The following NFIA variants were observed in gnomAD, a reference collection of about 807,000 sequenced individuals.
NFIA encodes nuclear factor I A.
Under a neutral mutation model 62.8 loss-of-function variants are expected in NFIA, and 8 were observed. The ratio of observed to expected loss-of-function variants is 0.13; its 90% CI spans 0.07 to 0.23. The LOEUF (loss-of-function observed/expected upper bound fraction) is 0.23. NFIA is among the 10% of genes least tolerant of loss of function. The pLI is 1.00. For missense variants in NFIA, 410 were observed against 642.1 expected (o/e 0.64, Z 3.91); for synonymous variants, 235 against 238.1 (o/e 0.99, Z 0.12).
intron 7 of NFIA, among the ~76,000 whole-genome samples, chr1:61,403,042 C>G (rs924253821): frequency 3.9e-5 from 6 of 152,158 alleles, no homozygotes; most frequent in Non-Finnish European, 8.8e-5. Flanking sequence ...ATGAGTCATT[C>G]TTGGTATTGG....
intron 10 of NFIA, among the ~76,000 whole-genome samples, chr1:61,441,979 C>A (rs1434569566): frequency 6.6e-6 from 1 of 151,678 alleles, no homozygotes; most frequent in Non-Finnish European, 1.5e-5. Context: ...TCTTGCATTG[C>A]AGTGACCTTT....
intron 1 of NFIA, among the ~76,000 whole-genome samples, chr1:61,087,614 A>G (rs996186662): frequency 8.5e-5 from 13 of 152,184 alleles, no homozygotes; most frequent in Non-Finnish European, 1.5e-4. Flanking sequence ...TCTACATGCA[A>G]TATTTTTAGG....
intron 2 of NFIA, among the ~76,000 whole-genome samples, chr1:61,274,367 A>G (rs1388567208): frequency 6.6e-6 from 1 of 152,234 alleles, no homozygotes; most frequent in Non-Finnish European, 1.5e-5. Flanking sequence ...AAATCCCTAG[A>G]TAGGGAAAAA....
intron 7 of NFIA, among the ~76,000 whole-genome samples, chr1:61,384,487 C>T (rs531979566): frequency 6.6e-6 from 1 of 152,188 alleles, no homozygotes; most frequent in South Asian, 2.1e-4. Context: ...AAGATCCCTT[C>T]TTTCATTTGT....
At chr1:61,236,604 A>C (rs1381099438) in intron 2 of NFIA, among the ~76,000 whole-genome samples, 2 of 152,118 alleles carry the variant, frequency 1.3e-5, no homozygotes, top group African/African-American at 4.8e-5. Flanking sequence ...ATATGTTTTT[A>C]ACAGGTACTA....
chr1:61,371,431 A>G (rs1199029739), intron 6 of NFIA, among the ~76,000 whole-genome samples: 5 of 152,214 alleles, frequency 3.3e-5, no homozygotes, highest in African/African-American at 1.2e-4. Context: ...GAGTTTGTCT[A>G]TCAGCATTGA....
At chr1:61,443,140 C>T (rs1667658718) in intron 10 of NFIA, among the ~76,000 whole-genome samples, 1 of 152,048 alleles carries the variant, frequency 6.6e-6, no homozygotes, top group African/African-American at 2.4e-5. Context: ...ATTGAACATG[C>T]AAGAAAAGTG....
intron 6 of NFIA, among the ~76,000 whole-genome samples, chr1:61,381,076 A>G (rs1664387365): frequency 6.6e-6 from 1 of 150,710 alleles, no homozygotes; most frequent in Non-Finnish European, 1.5e-5. Context: ...AGGATACTGG[A>G]TTTCATCAGT....
intron 2 of NFIA, among the ~76,000 whole-genome samples, chr1:61,144,086 A>G (rs1647742243): frequency 6.6e-6 from 1 of 152,228 alleles, no homozygotes; most frequent in Non-Finnish European, 1.5e-5. Flanking sequence ...ATTGTTCTAG[A>G]TACAGTGAAC....
At chr1:61,256,753 G>C (rs552614656) in intron 2 of NFIA, among the ~76,000 whole-genome samples, 1 of 152,230 alleles carries the variant, frequency 6.6e-6, no homozygotes, top group Admixed American at 6.5e-5. Context: ...GTTTACACAG[G>C]TCTGTAGTTA....
chr1:61,352,770 C>G (rs1662619104), intron 5 of NFIA, among the ~76,000 whole-genome samples: 1 of 151,266 alleles, frequency 6.6e-6, no homozygotes, highest in Non-Finnish European at 1.5e-5. Context: ...CACACACACA[C>G]ACACACACAC....
intron 2 of NFIA, among the ~76,000 whole-genome samples, chr1:61,167,033 C>T (rs1649619563): frequency 1.3e-5 from 2 of 152,026 alleles, no homozygotes; most frequent in South Asian, 2.1e-4. Context: ...CCCAGCTACT[C>T]GGGAGGCTGA....
At chr1:61,137,374 A>G (rs937102838) in intron 2 of NFIA, among the ~76,000 whole-genome samples, 1 of 152,208 alleles carries the variant, frequency 6.6e-6, no homozygotes, top group Admixed American at 6.5e-5. Flanking sequence ...TTTAGCATAG[A>G]AGAGTCAGGA....
chr1:61,123,727 T>C (rs1646925586), intron 2 of NFIA, among the ~76,000 whole-genome samples: 1 of 152,224 alleles, frequency 6.6e-6, no homozygotes, highest in South Asian at 2.1e-4. Flanking sequence ...ATGATATATT[T>C]CAGAACAGGA....
intron 2 of NFIA, among the ~76,000 whole-genome samples, chr1:61,231,532 C>A (rs1557651118): frequency 1.3e-5 from 2 of 150,906 alleles, no homozygotes; most frequent in East Asian, 1.9e-4. Context: ...CAGATCCATT[C>A]AAAAAATATC....
upstream of NFIA, among the ~76,000 whole-genome samples, chr1:61,080,356 G>C (rs1275146765): frequency 6.6e-6 from 1 of 150,476 alleles, no homozygotes; most frequent in Non-Finnish European, 1.5e-5. Context: ...AGACTCAAAA[G>C]TAAGAATCTT....
At chr1:61,372,201 G>C (rs1437957109) in intron 6 of NFIA, among the ~76,000 whole-genome samples, 1 of 152,100 alleles carries the variant, frequency 6.6e-6, no homozygotes, top group East Asian at 1.9e-4. Flanking sequence ...AAGGATTATG[G>C]TGATCAAGTT....
intron 2 of NFIA, among the ~76,000 whole-genome samples, chr1:61,179,147 G>A (rs1363937700): frequency 6.6e-6 from 1 of 152,236 alleles, no homozygotes; most frequent in Non-Finnish European, 1.5e-5. Flanking sequence ...CCAGCTCCAG[G>A]TGACCTCCAC....
intron 2 of NFIA, among the ~76,000 whole-genome samples, chr1:61,101,740 A>G (rs1441656979): frequency 6.6e-6 from 1 of 152,214 alleles, no homozygotes; most frequent in African/African-American, 2.4e-5. Flanking sequence ...TTAAGTTGTC[A>G]GAAGTGTCAA....
Sources: allele counts gnomAD v4.1 joint callset (sites outside exome capture counted in the v4.1 genomes callset), GRCh38; gene constraint gnomAD v4.1.1; transcripts MANE v1.5; gene names NCBI Gene and HGNC (gene_info 2026-07-23, HGNC 2026-07-21).